Variants in NXPH1 observed in about 807,000 individuals in gnomAD.
The protein encoded by NXPH1 is neurexophilin 1, also known as neurexophilin-1.
In NXPH1, 5 loss-of-function variants were observed where a neutral mutation model predicts 23.7. The ratio of observed to expected loss-of-function variants is 0.21; its 90% CI spans 0.11 to 0.44. NXPH1 has a LOEUF of 0.44. NXPH1 is among the 20% of genes least tolerant of loss of function. The probability of loss-of-function intolerance (pLI) is 0.99; values close to 1 mark genes in which losing one functional copy is unlikely to be tolerated. For synonymous variants in NXPH1, 144 were observed against 122.2 expected (o/e 1.18, Z -1.18); for missense variants, 324 against 321.6 (o/e 1.01, Z -0.06).
intron 2 of NXPH1, among the ~76,000 whole-genome samples, chr7:8,708,739 A>G (rs1300770973): frequency 2.6e-5 from 4 of 152,126 alleles, no homozygotes; most frequent in Admixed American, 6.5e-5. Context: ...GTGGTATGCT[A>G]TTATCATACT....
chr7:8,632,498 C>G (rs1820151318), intron 2 of NXPH1, among the ~76,000 whole-genome samples: 1 of 152,132 alleles, frequency 6.6e-6, no homozygotes, highest in Non-Finnish European at 1.5e-5. Context: ...AAATCAGTCA[C>G]TTTAAGGGTT....
chr7:8,553,273 T>G (rs747129443), intron 2 of NXPH1, among the ~76,000 whole-genome samples: 6 of 151,368 alleles, frequency 4.0e-5, no homozygotes, highest in Non-Finnish European at 5.9e-5. Flanking sequence ...AAATTTATAT[T>G]CCAAAGGAAA....
At chr7:8,666,929 G>T (rs551135123) in intron 2 of NXPH1, among the ~76,000 whole-genome samples, 15 of 151,646 alleles carry the variant, frequency 9.9e-5, no homozygotes, top group African/African-American at 4.8e-5. Context: ...CTAGCTAAAG[G>T]CTTGTCAATT....
At chr7:8,669,429 C>T (rs528793352) in intron 2 of NXPH1, among the ~76,000 whole-genome samples, 45 of 152,126 alleles carry the variant, frequency 3.0e-4, no homozygotes, top group Middle Eastern at 3.4e-3. Context: ...GGGGTTGACC[C>T]GAATCTCAGA....
intron 2 of NXPH1, among the ~76,000 whole-genome samples, chr7:8,523,233 G>C (rs1318799963): frequency 1.3e-5 from 2 of 152,172 alleles, no homozygotes; most frequent in Non-Finnish European, 1.5e-5. Context: ...TTACAGCAGA[G>C]AGCCTATTGT....
chr7:8,733,174 C>A (rs993884032), intron 2 of NXPH1, among the ~76,000 whole-genome samples: 1 of 152,132 alleles, frequency 6.6e-6, no homozygotes, highest in Non-Finnish European at 1.5e-5. Flanking sequence ...TGATGGTTTC[C>A]AGCTTCATCC....
chr7:8,465,260 C>CA (rs1263792851), intron 2 of NXPH1, among the ~76,000 whole-genome samples: 1 of 152,156 alleles, frequency 6.6e-6, no homozygotes, highest in African/African-American at 2.4e-5. Flanking sequence ...TTTACAGAAA[C>CA]ATTTTTCTAC....
chr7:8,553,619 A>G (rs2128619925), intron 2 of NXPH1, among the ~76,000 whole-genome samples: 1 of 151,700 alleles, frequency 6.6e-6, no homozygotes, highest in Admixed American at 6.6e-5. Context: ...GTAATAGTTT[A>G]GAATATATGT....
intron 2 of NXPH1, among the ~76,000 whole-genome samples, chr7:8,610,265 G>C (rs1157622905): frequency 6.6e-6 from 1 of 152,106 alleles, no homozygotes; most frequent in Non-Finnish European, 1.5e-5. Flanking sequence ...GATATATGCA[G>C]AAAACCAAGC....
At chr7:8,679,646 G>C (rs1821020434) in intron 2 of NXPH1, among the ~76,000 whole-genome samples, 1 of 152,202 alleles carries the variant, frequency 6.6e-6, no homozygotes, top group African/African-American at 2.4e-5. Flanking sequence ...AAATATTTGT[G>C]ATCAAATGTG....
chr7:8,497,695 T>G (rs2128612071), intron 2 of NXPH1, among the ~76,000 whole-genome samples: 1 of 152,324 alleles, frequency 6.6e-6, no homozygotes, highest in Middle Eastern at 3.4e-3. Context: ...CTTCCCCTAC[T>G]TTTTGATGGG....
At chr7:8,465,777 A>T (rs571891728) in intron 2 of NXPH1, among the ~76,000 whole-genome samples, 2 of 152,310 alleles carry the variant, frequency 1.3e-5, no homozygotes, top group East Asian at 3.9e-4. Flanking sequence ...CTCACTTAGC[A>T]ATAGCTGGCT....
At chr7:8,633,171 G>A (rs916234645) in intron 2 of NXPH1, among the ~76,000 whole-genome samples, 3 of 152,188 alleles carry the variant, frequency 2.0e-5, no homozygotes, top group African/African-American at 4.8e-5. Context: ...GGTGGCTCAC[G>A]CCTGTAATCC....
In NXPH1 at chr7:8,690,857, A is replaced by T. The variant is rs188028338; in HGVS notation, c.55-60151A>T. ...GCTGCTTCCCTTTCCTGGCCCACTG[A>T]CTTTTTGAAAGTGCTTGCTTTGCCC... On this transcript the variant is annotated intron_variant, in intron 2 of 2. Coordinates refer to ENST00000405863, the MANE Select transcript of NXPH1 (RefSeq NM_152745.3). 3.3e-4 allele frequency among the ~76,000 whole-genome samples: 50 copies of T among 152,140 alleles called. No individual in the cohort carries two copies. The East Asian group carries it at 8.3e-3, about 25-fold the overall frequency.
intron 2 of NXPH1, among the ~76,000 whole-genome samples, chr7:8,681,066 C>T (rs548388781): frequency 3.3e-5 from 5 of 152,326 alleles, no homozygotes; most frequent in African/African-American, 7.2e-5. Flanking sequence ...CGCTAATGTC[C>T]GGTACAGTGC....
intron 2 of NXPH1, among the ~76,000 whole-genome samples, chr7:8,657,342 G>GA (rs1820599645): frequency 6.6e-6 from 1 of 152,204 alleles, no homozygotes. Context: ...GGTTGGATTT[G>GA]ATAATTTTGT....
chr7:8,621,765 C>G (rs1212881784), intron 2 of NXPH1, among the ~76,000 whole-genome samples: 1 of 152,134 alleles, frequency 6.6e-6, no homozygotes. Flanking sequence ...GGATTCAACT[C>G]TTTATTGAGC....
At chr7:8,729,995 C>G (rs374138172) in intron 2 of NXPH1, among the ~76,000 whole-genome samples, 2 of 151,858 alleles carry the variant, frequency 1.3e-5, no homozygotes, top group East Asian at 1.9e-4. Context: ...GTAGGTCACT[C>G]AGGACTTGCT....
intron 2 of NXPH1, among the ~76,000 whole-genome samples, chr7:8,744,326 T>C (rs1040719852): frequency 2.0e-5 from 3 of 152,200 alleles, no homozygotes; most frequent in Non-Finnish European, 2.9e-5. Context: ...TGGAAAATTA[T>C]CCTCAGGAAG....
Sources: allele counts gnomAD v4.1 joint callset (sites outside exome capture counted in the v4.1 genomes callset), GRCh38; gene constraint gnomAD v4.1.1; transcripts MANE v1.5; gene names NCBI Gene and HGNC (gene_info 2026-07-23, HGNC 2026-07-21).